Variants in IDH2 observed in about 807,000 individuals in gnomAD.
IDH2 encodes the protein isocitrate dehydrogenase (NADP(+)) 2.
Under a neutral mutation model 50.5 loss-of-function variants are expected in IDH2, and 18 were observed. The ratio of observed to expected loss-of-function variants is 0.36; its 90% CI spans 0.25 to 0.53. The LOEUF is 0.53. IDH2 is among the 20% of genes least tolerant of loss of function. The probability of loss-of-function intolerance (pLI) is 0.92; values close to 1 mark genes in which losing one functional copy is unlikely to be tolerated. For synonymous variants in IDH2, 280 were observed against 239.8 expected, an observed-to-expected ratio of 1.17 and a Z score of -1.55; for missense variants, 518 against 610.7, an observed-to-expected ratio of 0.85 and a Z score of 1.60.
intron 3 of IDH2, among the ~76,000 whole-genome samples, chr15:90,089,468 T>C (rs372152862): frequency 1.8e-3 from 278 of 152,254 alleles, no homozygotes; most frequent in African/African-American, 6.3e-3. Context: ...CCACTCCACA[T>C]GCTCCGGTCC....
chr15:90,102,287 G>C lies in IDH2; in HGVS notation c.104C>G (p.Pro35Arg). ...ALTAPTSQEQ[P>R]RRHYADKRIK... ...CGCGCGGCACTCACAGTGGCGCCGCGGCTGCTCTTGCGAGGTGGGGGCTGT... is the reference window on the plus strand; with the variant it reads ...CGCGCGGCACTCACAGTGGCGCCGCCGCTGCTCTTGCGAGGTGGGGGCTGT... Residue 35 changes from proline (P) to arginine (R), a missense_variant, in exon 1 of 11, where the codon CCG (proline) becomes CGG (arginine). By Grantham distance (103) the Pro-to-Arg change is moderately radical (BLOSUM62 -2). Transcript: ENST00000330062. 1 of 1,313,000 alleles carries C rather than the reference G, an allele frequency of 7.6e-7. No individual in the cohort carries two copies. Among genetic ancestry groups the C allele is most frequent in the South Asian group, 1.9e-5 (1 of 53,204 alleles). 81.3% of individuals were successfully genotyped at this position (1,313,000 alleles called of 1,614,324 possible).
In IDH2 at chr15:90,088,015, G is replaced by T. The variant is rs62019177; in HGVS notation, c.678+344C>A. 5.3e-5 allele frequency among the ~76,000 whole-genome samples: 8 copies of T among 151,892 alleles called. No homozygotes were observed. The South Asian group carries it at 1.7e-3, about 32-fold the overall frequency. On this transcript the variant is annotated intron_variant, in intron 5 of 10. Transcript: ENST00000330062. ...GCCTGGCATTGGAGCTGGAACTGGG[G>T]ATAAAGAGGCATTCTCTTCTGATAG...
At chr15:90,091,509 G>C in intron 2 of IDH2, 44 bp downstream of exon 2, 1 of 1,481,096 alleles carries the variant, frequency 6.8e-7, no homozygotes, top group Non-Finnish European at 9.4e-7. Flanking sequence ...ACAATCCCTG[G>C]CCAGCCCACC....
rs1465303356 is a variant in IDH2, at chr15:90,087,445, A to G, written c.809T>C (p.Phe270Ser). ...GRFKDIFQEIFDKHYKTDFDK... is the reference protein window; with the variant it reads ...GRFKDIFQEISDKHYKTDFDK... ...TACATGGATGAGGCTTTACTTGTCA[A>G]AGATCTCCTGGAAGATGTCCTTGAA... The change falls in exon 6 of 11, where the codon TTT becomes TCT. Residue 270 changes from phenylalanine to serine, a missense_variant. Physicochemically the swap from Phe to Ser is radical, Grantham distance 155. Transcript: ENST00000330062. 3 of 1,614,164 alleles carry G rather than the reference A, an allele frequency of 1.9e-6. No individual in the cohort carries two copies. Among genetic ancestry groups the G allele is most frequent in the Admixed American group, 1.7e-5 (1 of 60,026 alleles).
Position 90,084,104 on chromosome 15 carries a change from A to G in IDH2, c.*162T>C. 1.6e-6 allele frequency: 1 copy of G among 633,434 alleles called. No individual in the cohort carries two copies. The highest frequency in any genetic ancestry group is 2.8e-6 in the Non-Finnish European group (1 of 353,062). The allele number at this position is 633,434 out of a possible 1,614,324, so 39.2% of individuals were successfully genotyped here. On this transcript the variant is annotated 3_prime_UTR_variant, in exon 11 of 11. Transcript: ENST00000330062. The surrounding 1 kb of genome is among the most constrained non-coding windows in gnomAD (Gnocchi z 5.0). ...ACTGCTCCTGCCTCACGTCACCATG[A>G]GGGGAAACACACATATGCTTTTAAA... is the stretch of plus-strand genomic sequence containing the variant.
chr15:90,089,680 C>T (rs1366968803), intron 3 of IDH2, among the ~76,000 whole-genome samples: 2 of 152,176 alleles, frequency 1.3e-5, no homozygotes, highest in Admixed American at 1.3e-4. Context: ...TCCGCCAGCT[C>T]CCTCCAACTG....
At chr15:90,096,716 C>T (rs1901190973) in intron 1 of IDH2, among the ~76,000 whole-genome samples, 1 of 152,044 alleles carries the variant, frequency 6.6e-6, no homozygotes, top group South Asian at 2.1e-4. Flanking sequence ...AGATCGAGAC[C>T]ATCCTGGCTA....
At chr15:90,086,142 G>C (rs1900853573) in intron 7 of IDH2, among the ~76,000 whole-genome samples, 1 of 152,104 alleles carries the variant, frequency 6.6e-6, no homozygotes, top group Non-Finnish European at 1.5e-5. Flanking sequence ...TCGGTGAGAG[G>C]ATCCCCACTG....
chr15:90,092,022 T>C (rs944963916), intron 1 of IDH2, among the ~76,000 whole-genome samples: 1 of 152,116 alleles, frequency 6.6e-6, no homozygotes, highest in African/African-American at 2.4e-5. Context: ...ATACTCCTTA[T>C]GAGAATCTAA....
chr15:90,086,551 G>A (rs1001851884), intron 7 of IDH2, among the ~76,000 whole-genome samples: 7 of 151,980 alleles, frequency 4.6e-5, no homozygotes, highest in Non-Finnish European at 8.8e-5. Context: ...CCATGACTGT[G>A]CCCGCCTCCA....
chr15:90,088,408 T>C lies in IDH2; in HGVS notation c.629A>G (p.Tyr210Cys), dbSNP rs1347554317. The change falls in exon 5 of 11, where the codon TAC (tyrosine) becomes TGC (cysteine). Residue 210 changes from tyrosine (Y) to cysteine (C), a missense_variant. By Grantham distance (194) the Tyr-to-Cys change is radical. Transcript: ENST00000330062. ...GCCCACGCCGCCTGCGGGGAAGTTG[T>C]ACACTTCCCACTCCTTGACACCACT... Reference protein sequence around the residue: ...DGSGVKEWEVYNFPAGGVGMG... With the variant: ...DGSGVKEWEVCNFPAGGVGMG... The C allele has an allele frequency of 6.2e-7, 1 of 1,614,192 alleles. No individual in the cohort carries two copies. Among genetic ancestry groups the C allele is most frequent in the South Asian group, 1.1e-5 (1 of 91,090 alleles).
At chr15:90,090,312 G>C (rs1900998870) in intron 3 of IDH2, among the ~76,000 whole-genome samples, 167 bp downstream of exon 3, 1 of 152,218 alleles carries the variant, frequency 6.6e-6, no homozygotes, top group East Asian at 1.9e-4. Flanking sequence ...CACACAGGGA[G>C]ACTGGCCTCA....
At chr15:90,096,692 A>G (rs1304837274) in intron 1 of IDH2, among the ~76,000 whole-genome samples, 1 of 152,120 alleles carries the variant, frequency 6.6e-6, no homozygotes, top group East Asian at 1.9e-4. Flanking sequence ...AGGCGGGTGG[A>G]TCACGAGGTC....
Position 90,102,313 on chromosome 15 carries a change from C to G in IDH2, c.78G>C (p.Leu26=). ...GSRPAWAPAA[L]TAPTSQEQPR... ...GCTGCTCTTGCGAGGTGGGGGCTGT[C>G]AGGGCCGCCGGCGCCCAGGCCGGCC... Residue 26 remains leucine (L), a synonymous_variant, in exon 1 of 11, where the codon CTG becomes CTC. Transcript: ENST00000330062. 7.4e-7 allele frequency: 1 copy of G among 1,357,156 alleles called. No individual in the cohort carries two copies. 84.1% of individuals were successfully genotyped at this position (1,357,156 alleles called of 1,614,324 possible).
At chr15:90,089,713 C>T (rs1013767750) in intron 3 of IDH2, among the ~76,000 whole-genome samples, 6 of 152,214 alleles carry the variant, frequency 3.9e-5, no homozygotes, top group African/African-American at 1.4e-4. Context: ...AGAGAGAGCT[C>T]AGAAAACTCC....
intron 1 of IDH2, among the ~76,000 whole-genome samples, chr15:90,101,906 C>G (rs538199780): frequency 6.6e-6 from 1 of 151,886 alleles, no homozygotes; most frequent in African/African-American, 2.4e-5. Context: ...TCCAGCCCCC[C>G]ACGGGTGCTC....
intron 1 of IDH2, among the ~76,000 whole-genome samples, chr15:90,094,806 G>A (rs1901136524): frequency 6.6e-6 from 1 of 152,154 alleles, no homozygotes; most frequent in Non-Finnish European, 1.5e-5. Flanking sequence ...GGAGGCTGAG[G>A]CAGGAGAATC....
rs1446561179 is a variant in IDH2 at position 90,088,720 on chromosome 15, C to T, written c.401G>A (p.Ser134Asn). 2 of 1,613,888 alleles carry T rather than the reference C, an allele frequency of 1.2e-6. No individual in the cohort carries two copies. Among genetic ancestry groups the T allele is most frequent in the South Asian group, 1.1e-5 (1 of 91,080 alleles). Residue 134 changes from serine to asparagine, a missense_variant, in exon 4 of 11, where the codon AGT becomes AAT. Transcript: ENST00000330062. Reference sequence around the variant, plus strand: ...GATGTTCCGGATAGTTCCATTGGGACTTTTCCACATCTTCTTCAGCTTGAA... The same window carrying T: ...GATGTTCCGGATAGTTCCATTGGGATTTTTCCACATCTTCTTCAGCTTGAA... ...EEFKLKKMWK[S>N]PNGTIRNILG...
rs8028270 is a variant in IDH2, at chr15:90,090,910, T to G, written c.208-266A>C. On this transcript the variant is annotated intron_variant, in intron 2 of 10. Transcript: ENST00000330062. ...GAGGGTTCTTCCTCCACTGTGCCTGTGTGCCCCCCTCACATGGCCCATCAA... is the reference window on the plus strand; with the variant it reads ...GAGGGTTCTTCCTCCACTGTGCCTGGGTGCCCCCCTCACATGGCCCATCAA... Among the ~76,000 whole-genome samples, 1,502 of 152,298 alleles carry G rather than the reference T, an allele frequency of 9.9e-3. 19 individuals carry two copies. The highest frequency in any genetic ancestry group is 0.035 in the African/African-American group (1,444 of 41,560).
Sources: allele counts gnomAD v4.1 joint callset (sites outside exome capture counted in the v4.1 genomes callset), GRCh38; gene constraint gnomAD v4.1.1; non-coding constraint Gnocchi (gnomAD v3.1); transcripts MANE v1.5; gene names NCBI Gene and HGNC (gene_info 2026-07-23, HGNC 2026-07-21).